The following UMODL1 variants were observed in gnomAD, a reference collection of about 807,000 sequenced individuals.
UMODL1 encodes uromodulin-like 1.
Under a neutral mutation model 136.3 loss-of-function variants are expected in UMODL1, and 128 were observed. The ratio of observed to expected loss-of-function variants is 0.94; its 90% CI spans 0.81 to 1.09. The LOEUF (loss-of-function observed/expected upper bound fraction) is 1.09. Among genes scored for constraint, UMODL1 ranks in the 50% least tolerant of loss-of-function variants. The pLI is 0.00. For missense variants in UMODL1, 1,766 were observed against 1,725.6 expected (o/e 1.02, Z -0.41); for synonymous variants, 721 against 720.0 (o/e 1.00, Z -0.02).
intron 13 of UMODL1, among the ~76,000 whole-genome samples, chr21:42,115,154 C>T (rs981444499): frequency 6.6e-6 from 1 of 152,212 alleles, no homozygotes; most frequent in Non-Finnish European, 1.5e-5. Context: ...GTCTAGAATG[C>T]CTCTGGCGCA....
intron 2 of UMODL1, 75 bp downstream of exon 2, chr21:42,076,322 C>T: frequency 6.3e-7 from 1 of 1,588,428 alleles, no homozygotes; most frequent in South Asian, 1.1e-5. Flanking sequence ...TCACCGTTGG[C>T]ATCCATTGGC....
chr21:42,135,599 C>T (rs1336679031), intron 21 of UMODL1, among the ~76,000 whole-genome samples: 1 of 152,228 alleles, frequency 6.6e-6, no homozygotes, highest in Non-Finnish European at 1.5e-5. Context: ...GGTGGCCCGT[C>T]ACTCGAGGCC....
intron 13 of UMODL1, among the ~76,000 whole-genome samples, chr21:42,114,881 G>A (rs1202098384): frequency 6.6e-6 from 1 of 152,200 alleles, no homozygotes; most frequent in Non-Finnish European, 1.5e-5. Flanking sequence ...CCCCAAACCT[G>A]TGGGTGCACT....
chr21:42,138,364 C>T (rs2067236778), intron 22 of UMODL1, among the ~76,000 whole-genome samples: 1 of 152,052 alleles, frequency 6.6e-6, no homozygotes, highest in Admixed American at 6.5e-5. Context: ...CACAGTGGAC[C>T]CCCCACACCT....
chr21:42,105,621 G>C (rs113519942), intron 9 of UMODL1, among the ~76,000 whole-genome samples: 2 of 152,208 alleles, frequency 1.3e-5, no homozygotes, highest in Non-Finnish European at 2.9e-5. Flanking sequence ...GTTCTTATAC[G>C]AGACAAGAGG....
intron 9 of UMODL1, among the ~76,000 whole-genome samples, chr21:42,105,746 C>T (rs2066706044): frequency 2.0e-5 from 3 of 152,144 alleles, no homozygotes; most frequent in Admixed American, 2.0e-4. Context: ...TTCCTAGAGC[C>T]CCAGAGGGAG....
Position 42,111,606 on chromosome 21 carries a change from C to G in UMODL1, c.2000C>G (p.Thr667Arg), listed in dbSNP as rs1384534334. ...LWHATRSTRE[T>R]LLNPTWLRNE... ...CATGCCACCCGTTCCACCCGGGAAA[C>G]ACTTCTGAATCCCACGTGGCTGCGA... The change falls in exon 12 of 23, where the codon ACA becomes AGA. Residue 667 changes from threonine to arginine, a missense_variant. Physicochemically the swap from Thr to Arg is moderately conservative, Grantham distance 71. Coordinates refer to ENST00000408910, the MANE Select transcript of UMODL1 (RefSeq NM_001004416.3). 3 of 1,614,178 alleles carry G rather than the reference C, an allele frequency of 1.9e-6. No individual in the cohort carries two copies. Among genetic ancestry groups the G allele is most frequent in the Non-Finnish European group, 2.5e-6 (3 of 1,180,008 alleles).
At chr21:42,127,973 C>A in intron 20 of UMODL1, 142 bp downstream of exon 20, 1 of 1,080,088 alleles carries the variant, frequency 9.3e-7, no homozygotes, top group Non-Finnish European at 1.4e-6. Context: ...GTCCTGCAGA[C>A]TCCGCGTCTG....
intron 6 of UMODL1, among the ~76,000 whole-genome samples, chr21:42,091,928 G>A (rs1224108942): frequency 6.6e-6 from 1 of 152,228 alleles, no homozygotes; most frequent in Non-Finnish European, 1.5e-5. Flanking sequence ...CCCCAACAGT[G>A]CCAGGTCAGT....
chr21:42,099,331 C>A lies in UMODL1; in HGVS notation c.1186+151C>A. Reference sequence around the variant, plus strand: ...ACTTCCTCCCTCCCCTCCCAGTCATCCCACTGCCTGCCCGGCATTGCACCG... The same window carrying A: ...ACTTCCTCCCTCCCCTCCCAGTCATACCACTGCCTGCCCGGCATTGCACCG... On this transcript the variant is annotated intron_variant, in intron 7 of 22. Coordinates refer to ENST00000408910, the MANE Select transcript of UMODL1 (RefSeq NM_001004416.3). The surrounding 1 kb of genome is among the most constrained non-coding windows in gnomAD (Gnocchi z 4.1). 2 of 1,219,490 alleles carry A rather than the reference C, an allele frequency of 1.6e-6. No homozygotes were observed. Among genetic ancestry groups the A allele is most frequent in the Non-Finnish European group, 2.2e-6 (2 of 900,180 alleles). 75.5% of individuals were successfully genotyped at this position (1,219,490 alleles called of 1,614,324 possible).
intron 1 of UMODL1, among the ~76,000 whole-genome samples, chr21:42,073,914 T>C (rs567822144): frequency 1.3e-5 from 2 of 152,112 alleles, no homozygotes; most frequent in Admixed American, 1.3e-4. Context: ...AGGGGTTGAG[T>C]GTCTGAAATG....
intron 14 of UMODL1, among the ~76,000 whole-genome samples, chr21:42,116,541 C>A (rs543961532): frequency 2.6e-5 from 4 of 152,134 alleles, no homozygotes; most frequent in African/African-American, 9.7e-5. Context: ...TGCATCCTTA[C>A]TTCACACTTC....
intron 9 of UMODL1, chr21:42,108,438 A>T (rs549272462): frequency 8.4e-6 from 4 of 475,288 alleles, no homozygotes; most frequent in South Asian, 4.6e-5. Context: ...TTCTCCAGGG[A>T]AGCTGCTTCT....
intron 22 of UMODL1, among the ~76,000 whole-genome samples, chr21:42,138,948 G>A (rs573479557): frequency 1.3e-5 from 2 of 152,258 alleles, no homozygotes; most frequent in East Asian, 3.9e-4. Context: ...CAGGAGGATC[G>A]CTTAAGCTTA....
In UMODL1 at chr21:42,099,259, G is replaced by T. The variant is rs220313; in HGVS notation, c.1186+79G>T. On this transcript the variant is annotated intron_variant, in intron 7 of 22. Coordinates refer to ENST00000408910, the MANE Select transcript of UMODL1 (RefSeq NM_001004416.3). This position sits in a 1 kb window ranked among gnomAD's most constrained non-coding sequence, Gnocchi z 4.1. ...CAGGTCTGTGGCCCTAGCATGTCGC[G>T]TTCTTCTTCCTATAACCAGGGCACC... is the stretch of plus-strand genomic sequence containing the variant. The T allele has an allele frequency of 0.58, 883,825 of 1,537,024 alleles. 255,064 individuals carry two copies. Among genetic ancestry groups the T allele is most frequent in the Admixed American group, 0.66 (33,810 of 51,556 alleles).
chr21:42,068,838 T>A (rs574742889), upstream of UMODL1, among the ~76,000 whole-genome samples: 6 of 152,292 alleles, frequency 3.9e-5, no homozygotes, highest in African/African-American at 1.4e-4. This position sits in a 1 kb window ranked among gnomAD's most constrained non-coding sequence, Gnocchi z 5.5. Flanking sequence ...GTGTCTGTGT[T>A]TATGCCCAGT....
At chr21:42,075,189 AC>A (rs1433620230) in intron 1 of UMODL1, among the ~76,000 whole-genome samples, 1 of 151,372 alleles carries the variant, frequency 6.6e-6, no homozygotes. Context: ...GGCATGAGCC[AC>A]CGCGCCCAGC....
At chr21:42,119,829 T>G (rs2146523141) in intron 15 of UMODL1, among the ~76,000 whole-genome samples, 1 of 152,360 alleles carries the variant, frequency 6.6e-6, no homozygotes, top group Middle Eastern at 3.4e-3. Flanking sequence ...ATTAATTTTT[T>G]GATTTTTAGA....
intron 1 of UMODL1, among the ~76,000 whole-genome samples, chr21:42,065,334 A>C (rs959854228): frequency 4.6e-5 from 7 of 152,128 alleles, no homozygotes; most frequent in African/African-American, 1.7e-4. Context: ...TTGCTTCATT[A>C]TTTCAAAGCC....
Sources: gnomAD v4.1 joint callset for allele counts (sites outside exome capture counted in the v4.1 genomes callset) on GRCh38, gnomAD v4.1.1 for gene constraint, Gnocchi (gnomAD v3.1) non-coding constraint, MANE v1.5 for transcripts, NCBI Gene and HGNC (gene_info 2026-07-23, HGNC 2026-07-21) for gene names.